DSTYK: variants seen among roughly 807,000 people sequenced by gnomAD.
DSTYK encodes dual serine/threonine and tyrosine protein kinase, also known as RIP-homologous kinase.
DSTYK carries 34 observed loss-of-function variants against 98.7 expected under a neutral mutation model. The observed-to-expected ratio is 0.34, with a 90% CI of 0.26 to 0.46. DSTYK has a LOEUF of 0.46. Ranked by LOEUF, DSTYK falls within the 20% of genes least tolerant of loss-of-function variation. The pLI, the probability that DSTYK is intolerant of heterozygous loss-of-function variation, is 1.00. For missense variants in DSTYK, 962 were observed against 1,181.7 expected (o/e 0.81, Z 2.73); for synonymous variants, 462 against 457.3 (o/e 1.01, Z -0.13).
intron 1 of DSTYK, 132 bp downstream of exon 1, chr1:205,211,139 A>T: frequency 7.6e-7 from 1 of 1,319,016 alleles, no homozygotes; most frequent in Non-Finnish European, 1.0e-6. Context: ...ATGCCCGGGG[A>T]CCCGGCCACA....
At chr1:205,161,432 T>C in intron 6 of DSTYK, 45 bp from the exon 7 acceptor site, 1 of 1,602,726 alleles carries the variant, frequency 6.2e-7, no homozygotes, top group African/African-American at 1.3e-5. Flanking sequence ...AGTCCCTAGC[T>C]TCAGCTTCCT....
At position 205,148,233 on chromosome 1, in the gene DSTYK, T is replaced by C; in HGVS notation, c.2574A>G (p.Lys858=). 6.2e-7 allele frequency: 1 copy of C among 1,614,130 alleles called. No individual in the cohort carries two copies. The highest frequency in any genetic ancestry group is 1.1e-5 in the South Asian group (1 of 91,078). Reference sequence around the variant, plus strand: ...TCCGCACATTGTTCCAGAGATGGTCTTTGCTAGCACACCTCTCAAATGCCT... The same window carrying C: ...TCCGCACATTGTTCCAGAGATGGTCCTTGCTAGCACACCTCTCAAATGCCT... The part of the protein sequence containing the change: ...LPEAFERCAS[K]DHLWNNVRRG... Residue 858 remains lysine, a synonymous_variant, in exon 12 of 13, where the codon AAA becomes AAG. Transcript: ENST00000367162.
chr1:205,207,080 CTTTT>C (rs34237326), intron 1 of DSTYK, among the ~76,000 whole-genome samples: 2 of 140,658 alleles, frequency 1.4e-5, no homozygotes, highest in African/African-American at 5.3e-5. Context: ...ACTCCAGTAT[CTTTT>C]TTTTTTTTTT....
chr1:205,179,037 G>A (rs1225750644), intron 2 of DSTYK, among the ~76,000 whole-genome samples: 2 of 151,944 alleles, frequency 1.3e-5, no homozygotes, highest in African/African-American at 2.4e-5. Flanking sequence ...GCTGAGGTGA[G>A]AGGATCACTT....
intron 9 of DSTYK, among the ~76,000 whole-genome samples, chr1:205,158,601 T>C (rs143680843): frequency 1.3e-5 from 2 of 152,316 alleles, no homozygotes; most frequent in East Asian, 3.9e-4. Flanking sequence ...CCAACATCTC[T>C]TTGCACATTA....
rs6662921 is a variant in DSTYK at position 205,164,501 on chromosome 1, G to A, written c.1325-546C>T. ...TTTTGAGACGGAGTCTCGCTGTGTCGCCCAGGCTGGAGTGGAGTGATGCAA... is the reference window on the plus strand; with the variant it reads ...TTTTGAGACGGAGTCTCGCTGTGTCACCCAGGCTGGAGTGGAGTGATGCAA... On this transcript the variant is annotated intron_variant, in intron 3 of 12. Transcript: ENST00000367162. Among the ~76,000 whole-genome samples the A allele has an allele frequency of 8.7e-3, 1,284 of 147,942 alleles. 23 individuals are homozygous for A. Among genetic ancestry groups the A allele is most frequent in the African/African-American group, 0.03 (1,230 of 40,480 alleles).
chr1:205,191,012 T>C (rs564612038), intron 1 of DSTYK, among the ~76,000 whole-genome samples: 130 of 152,256 alleles, frequency 8.5e-4, no homozygotes, highest in African/African-American at 2.8e-3. Context: ...ACAGGCTGCA[T>C]CAGCCAAAAC....
At chr1:205,156,797 T>G (rs1168304656) in intron 10 of DSTYK, among the ~76,000 whole-genome samples, 1 of 152,152 alleles carries the variant, frequency 6.6e-6, no homozygotes, top group Non-Finnish European at 1.5e-5. Flanking sequence ...GGCAGAATGA[T>G]ATGGTTTGGC....
chr1:205,165,789 A>C (rs1657869467), intron 3 of DSTYK, among the ~76,000 whole-genome samples: 1 of 152,222 alleles, frequency 6.6e-6, no homozygotes. Context: ...GAGAAAATAA[A>C]AAATAAACAA....
Position 205,150,295 on chromosome 1 carries a change from C to A in DSTYK, c.2467+385G>T, listed in dbSNP as rs896378560. ...GCACTTAATTTAGCACTTAATCATACGTTGTGTTGTACTGCTTCCTATTTT... is the reference window on the plus strand; with the variant it reads ...GCACTTAATTTAGCACTTAATCATAAGTTGTGTTGTACTGCTTCCTATTTT... On this transcript the variant is annotated intron_variant, in intron 11 of 12. Transcript: ENST00000367162. The surrounding 1 kb of genome is among the most constrained non-coding windows in gnomAD (Gnocchi z 4.1). 2.0e-5 allele frequency among the ~76,000 whole-genome samples: 3 copies of A among 152,150 alleles called. No individual in the cohort carries two copies. Among genetic ancestry groups the A allele is most frequent in the African/African-American group, 7.2e-5 (3 of 41,430 alleles).
intron 3 of DSTYK, among the ~76,000 whole-genome samples, chr1:205,164,740 T>C (rs1001228832): frequency 6.6e-6 from 1 of 152,200 alleles, no homozygotes; most frequent in African/African-American, 2.4e-5. Context: ...GGATTACAGG[T>C]GTGAGCCACC....
In DSTYK at chr1:205,187,550, C is replaced by CACTA; in HGVS notation, c.518_521dup (p.His175SerfsTer16). On this transcript the variant is annotated frameshift_variant, in exon 2 of 13. Transcript: ENST00000367162. LOFTEE classifies it high-confidence loss of function. Reference sequence around the variant, plus strand: ...TGCCCTGATGAGCAACCAGCGTGTGCACTAGTTCATACTGTCCAGGGAGCG... The same window carrying CACTA: ...TGCCCTGATGAGCAACCAGCGTGTGCACTAACTAGTTCATACTGTCCAGGGAGCG... 6.2e-7 allele frequency: 1 copy of CACTA among 1,614,170 alleles called. No individual in the cohort carries two copies. Among genetic ancestry groups the CACTA allele is most frequent in the Non-Finnish European group, 8.5e-7 (1 of 1,180,036 alleles).
Position 205,162,920 on chromosome 1 carries a change from T to C in DSTYK, c.1641+3A>G. The stretch of plus-strand genomic sequence containing the variant: ...AAATCTTTCTCTAAGTAATAATCCC[T>C]ACCTGTTTGATTTGCTCCCATAGCA... On this transcript the variant is annotated splice_donor_region_variant and intron_variant, in intron 5 of 12. Transcript: ENST00000367162. 6.2e-7 allele frequency: 1 copy of C among 1,609,970 alleles called. No homozygotes were observed. The highest frequency in any genetic ancestry group is 8.5e-7 in the Non-Finnish European group (1 of 1,176,210).
chr1:205,192,933 C>T (rs1658755389), intron 1 of DSTYK, among the ~76,000 whole-genome samples: 1 of 152,144 alleles, frequency 6.6e-6, no homozygotes, highest in Non-Finnish European at 1.5e-5. Flanking sequence ...GCTCTGGGGG[C>T]CAGTAGACAA....
intron 7 of DSTYK, 137 bp from the exon 8 acceptor site, chr1:205,160,407 C>T (rs1657682897): frequency 1.3e-6 from 1 of 778,414 alleles, no homozygotes; most frequent in Non-Finnish European, 2.0e-6. Flanking sequence ...ATGATCTCTG[C>T]TCACTGCAAC....
chr1:205,177,594 TG>T (rs1461192433), intron 2 of DSTYK, among the ~76,000 whole-genome samples: 2 of 152,102 alleles, frequency 1.3e-5, no homozygotes, highest in Non-Finnish European at 1.5e-5. Flanking sequence ...TGGCTGGGTG[TG>T]GTGGCTCATG....
At chr1:205,190,679 T>C (rs897777296) in intron 1 of DSTYK, among the ~76,000 whole-genome samples, 4 of 147,966 alleles carry the variant, frequency 2.7e-5, no homozygotes, top group South Asian at 4.4e-4. Flanking sequence ...GGAATTTAAC[T>C]ACCATAGTCT....
In DSTYK at chr1:205,187,806, C is replaced by T; in HGVS notation, c.266G>A (p.Gly89Asp). Residue 89 changes from glycine to aspartate, a missense_variant and splice_region_variant, in exon 2 of 13, where the codon GGC becomes GAC. Coordinates refer to ENST00000367162, the MANE Select transcript of DSTYK (RefSeq NM_015375.3). ...TGGGAAGGAAATGCAGCTCAGTTGG[C>T]CTGGTTGGGGAAGGGGAGAGTGGAG... ...GDVAETGLQAGQLSCISFPPK... is the reference protein window; with the variant it reads ...GDVAETGLQADQLSCISFPPK... 1 of 1,606,612 alleles carries T rather than the reference C, an allele frequency of 6.2e-7. No individual in the cohort carries two copies. Among genetic ancestry groups the T allele is most frequent in the Non-Finnish European group, 8.5e-7 (1 of 1,176,036 alleles).
chr1:205,181,300 TATACTC>T (rs1470665680), intron 2 of DSTYK, among the ~76,000 whole-genome samples: 1 of 51,630 alleles, frequency 1.9e-5, no homozygotes, highest in Admixed American at 2.9e-4. Context: ...TTAACCTAGA[TATACTC>T]AAGAGACAAT....
Sources: allele counts gnomAD v4.1 joint callset (sites outside exome capture counted in the v4.1 genomes callset), GRCh38; gene constraint gnomAD v4.1.1; non-coding constraint Gnocchi (gnomAD v3.1); transcripts MANE v1.5; gene names NCBI Gene and HGNC (gene_info 2026-07-23, HGNC 2026-07-21).